The following ANKRD12 variants were observed in gnomAD, a reference collection of about 807,000 sequenced individuals.
The protein encoded by ANKRD12 is ankyrin repeat domain 12, also known as ankyrin repeat domain-containing protein 12.
In ANKRD12, 85 loss-of-function variants were observed where a neutral mutation model predicts 183.4. The ratio of observed to expected loss-of-function variants is 0.46; its 90% CI spans 0.39 to 0.56. ANKRD12 has a LOEUF of 0.56. Ranked by LOEUF, ANKRD12 falls within the 20% of genes least tolerant of loss-of-function variation. The pLI is 0.00. For synonymous variants in ANKRD12, 914 were observed against 800.2 expected (o/e 1.14, Z -2.40); for missense variants, 2,405 against 2,357.1 (o/e 1.02, Z -0.42).
intron 1 of ANKRD12, among the ~76,000 whole-genome samples, chr18:9,181,221 A>G (rs2144163604): frequency 1.3e-5 from 2 of 152,284 alleles, no homozygotes; most frequent in Admixed American, 1.3e-4. Flanking sequence ...TTCTGATTTA[A>G]TTATTTCCAG....
chr18:9,260,357 G>A (rs1211464887), intron 9 of ANKRD12: 1 of 152,122 alleles, frequency 6.6e-6, no homozygotes, highest in Non-Finnish European at 1.5e-5. Context: ...CCAACAGGAT[G>A]TCTACAAAAA....
rs1306187120 is a variant in ANKRD12 at position 9,257,382 on chromosome 18, C to T, written c.4115C>T (p.Ser1372Phe). The T allele has an allele frequency of 1.9e-6, 3 of 1,614,138 alleles. No individual in the cohort carries two copies. The highest frequency in any genetic ancestry group is 2.2e-5 in the South Asian group (2 of 91,084). Reference sequence around the variant, plus strand: ...AACATACATTCCAGTTTTGCAACTTCTCCAACTGGAGCTTCAAACAGCAAG... The same window carrying T: ...AACATACATTCCAGTTTTGCAACTTTTCCAACTGGAGCTTCAAACAGCAAG... ...VSNIHSSFAT[S>F]PTGASNSKYV... is the part of the protein sequence containing the mutation. The change falls in exon 9 of 13, where the codon TCT becomes TTT. Residue 1372 changes from serine to phenylalanine, a missense_variant. By Grantham distance (155) the Ser-to-Phe change is radical. Transcript: ENST00000262126.
At chr18:9,207,771 A>G (rs1598560219) in intron 4 of ANKRD12, among the ~76,000 whole-genome samples, 1 of 152,078 alleles carries the variant, frequency 6.6e-6, no homozygotes, top group African/African-American at 2.4e-5. Flanking sequence ...AGATATTTGT[A>G]TAGGGTTTCC....
intron 1 of ANKRD12, among the ~76,000 whole-genome samples, chr18:9,179,501 A>G (rs909437384): frequency 3.9e-5 from 6 of 152,106 alleles, no homozygotes; most frequent in African/African-American, 1.4e-4. Flanking sequence ...TTAATACACT[A>G]AATTACATAG....
At chr18:9,277,554 C>T (rs1280815922) in intron 11 of ANKRD12, among the ~76,000 whole-genome samples, 2 of 151,726 alleles carry the variant, frequency 1.3e-5, no homozygotes, top group African/African-American at 4.8e-5. Context: ...GTCTCGATCT[C>T]CTGACCTCGT....
chr18:9,208,843 T>C, intron 5 of ANKRD12, 40 bp downstream of exon 5: 1 of 1,457,928 alleles, frequency 6.9e-7, no homozygotes, highest in Non-Finnish European at 9.1e-7. Context: ...TATCCCTAGT[T>C]TTCCTCAGGC....
In ANKRD12 at chr18:9,284,739, CTG is replaced by C. The variant is rs894055456; in HGVS notation, c.*3614_*3615del. 6 of 151,788 alleles carry C rather than the reference CTG, an allele frequency of 4.0e-5. No homozygotes were observed. The highest frequency in any genetic ancestry group is 8.8e-5 in the Non-Finnish European group (6 of 67,954). 9.4% of individuals were successfully genotyped at this position (151,788 alleles called of 1,614,324 possible). A position where few individuals can be genotyped will look rare whatever the true frequency, so the allele number is the denominator to read the frequency against. ...GTAAAAGTAGAATTCATAGAAAAAA[CTG>C]AGGCAAATTAAAACAATTCCATTAA... On this transcript the variant is annotated 3_prime_UTR_variant, in exon 13 of 13. Coordinates refer to ENST00000262126, the MANE Select transcript of ANKRD12 (RefSeq NM_015208.5).
At chr18:9,277,317 G>GTTTC (rs1427579902) in intron 11 of ANKRD12, among the ~76,000 whole-genome samples, 1 of 126,472 alleles carries the variant, frequency 7.9e-6, no homozygotes, top group African/African-American at 3.0e-5. Flanking sequence ...GTGACACCCT[G>GTTTC]TTTCTTTTTT....
chr18:9,271,456 T>C (rs1350856778), intron 10 of ANKRD12, among the ~76,000 whole-genome samples: 1 of 151,694 alleles, frequency 6.6e-6, no homozygotes, highest in Non-Finnish European at 1.5e-5. Flanking sequence ...GAGGCGGAGG[T>C]TGCAGTGAGC....
rs1047764655 is a variant in ANKRD12 at position 9,205,687 on chromosome 18, T to C, written c.304+1143T>C. Reference sequence around the variant, plus strand: ...AGTATCATTGCCGGAAATCAAAAGATGCAGACATTCAATTGGAGATTCACG... The same window carrying C: ...AGTATCATTGCCGGAAATCAAAAGACGCAGACATTCAATTGGAGATTCACG... On this transcript the variant is annotated intron_variant, in intron 4 of 12. Transcript: ENST00000262126. Among the ~76,000 whole-genome samples, 7 of 152,154 alleles carry C rather than the reference T, an allele frequency of 4.6e-5. No homozygotes were observed. In the East Asian group the frequency reaches 9.6e-4, roughly 21 times the overall value.
chr18:9,197,063 A>G (rs2034876503), intron 3 of ANKRD12, among the ~76,000 whole-genome samples: 1 of 152,164 alleles, frequency 6.6e-6, no homozygotes, highest in Non-Finnish European at 1.5e-5. Flanking sequence ...CGAAAAATGG[A>G]TTTTGATAAA....
At chr18:9,239,398 A>G (rs2037529627) in intron 8 of ANKRD12, 1 of 534,254 alleles carries the variant, frequency 1.9e-6, no homozygotes, top group South Asian at 2.1e-5. Context: ...TTAGTGCAGA[A>G]CACACCTTCT....
chr18:9,177,386 T>C (rs1341195841), intron 1 of ANKRD12, among the ~76,000 whole-genome samples: 1 of 152,020 alleles, frequency 6.6e-6, no homozygotes, highest in Non-Finnish European at 1.5e-5. Flanking sequence ...TCTTAGTCTT[T>C]AATTTTAACC....
At chr18:9,175,132 GAC>G (rs1230716282) in intron 1 of ANKRD12, among the ~76,000 whole-genome samples, 2 of 151,944 alleles carry the variant, frequency 1.3e-5, no homozygotes, top group Non-Finnish European at 2.9e-5. Context: ...TTTTTTGTAT[GAC>G]CAAAGCATTT....
chr18:9,186,136 GATT>G (rs2034039181), intron 2 of ANKRD12, among the ~76,000 whole-genome samples: 1 of 141,894 alleles, frequency 7.0e-6, no homozygotes, highest in South Asian at 2.2e-4. Flanking sequence ...CTAAAAGTGT[GATT>G]TTTTTTTTTT....
intron 1 of ANKRD12, among the ~76,000 whole-genome samples, chr18:9,147,623 G>A (rs1355913283): frequency 6.6e-6 from 1 of 152,076 alleles, no homozygotes; most frequent in Non-Finnish European, 1.5e-5. Flanking sequence ...GTTGCACATC[G>A]TATATAGTAG....
At chr18:9,209,259 T>G (rs1318013146) in intron 5 of ANKRD12, among the ~76,000 whole-genome samples, 1 of 152,160 alleles carries the variant, frequency 6.6e-6, no homozygotes, top group Non-Finnish European at 1.5e-5. Flanking sequence ...AAAAGGGAGC[T>G]AAAAAGGTAG....
chr18:9,179,847 A>G (rs1251531198), intron 1 of ANKRD12, among the ~76,000 whole-genome samples: 2 of 152,164 alleles, frequency 1.3e-5, no homozygotes, highest in African/African-American at 4.8e-5. Context: ...TCTACGAGCA[A>G]ACTTTGTATG....
At chr18:9,191,114 A>C (rs1014614982) in intron 2 of ANKRD12, among the ~76,000 whole-genome samples, 5 of 152,222 alleles carry the variant, frequency 3.3e-5, no homozygotes, top group African/African-American at 9.6e-5. Flanking sequence ...CTTACCATTG[A>C]TGCTTTCATT....
Sources: gnomAD v4.1 joint callset for allele counts (sites outside exome capture counted in the v4.1 genomes callset) on GRCh38, gnomAD v4.1.1 for gene constraint, MANE v1.5 for transcripts, NCBI Gene and HGNC (gene_info 2026-07-23, HGNC 2026-07-21) for gene names.